COL8A1: variants seen among roughly 807,000 people sequenced by gnomAD.
COL8A1 encodes the protein collagen type VIII alpha 1 chain, also known as collagen alpha-1(VIII) chain.
In COL8A1, 21 loss-of-function variants were observed where a neutral mutation model predicts 42.7. The ratio of observed to expected loss-of-function variants is 0.49; its 90% CI spans 0.35 to 0.71. COL8A1 has a LOEUF of 0.71. COL8A1 is among the 30% of genes least tolerant of loss of function. The probability of loss-of-function intolerance (pLI) is 0.01; values close to 1 mark genes in which losing one functional copy is unlikely to be tolerated. For synonymous variants in COL8A1, 367 were observed against 369.1 expected, an observed-to-expected ratio of 0.99 and a Z score of 0.06; for missense variants, 788 against 962.4, an observed-to-expected ratio of 0.82 and a Z score of 2.40.
At chr3:99,639,427 C>T (rs1195682902) in intron 1 of COL8A1, among the ~76,000 whole-genome samples, 1 of 152,112 alleles carries the variant, frequency 6.6e-6, no homozygotes, top group Non-Finnish European at 1.5e-5. Flanking sequence ...ATAATACAGG[C>T]CAGATTATAC....
intron 1 of COL8A1, among the ~76,000 whole-genome samples, chr3:99,656,444 G>A (rs972044163): frequency 2.0e-5 from 3 of 151,194 alleles, no homozygotes; most frequent in African/African-American, 7.3e-5. Flanking sequence ...ACCAAGACCA[G>A]GGAAGTTACT....
rs78098382 is a variant in COL8A1 at position 99,746,145 on chromosome 3, C to G, written c.-4+1124C>G. On this transcript the variant is annotated intron_variant, in intron 2 of 3. Coordinates refer to ENST00000652472, the MANE Select transcript of COL8A1 (RefSeq NM_020351.4). ...TAATCCCTCATTGACTGCATCCTGT[C>G]TAGAATGCATCCATTTAGAGTTCCT... is the stretch of plus-strand genomic sequence containing the variant. 5.3e-3 allele frequency among the ~76,000 whole-genome samples: 812 copies of G among 152,222 alleles called. 12 individuals carry two copies. The highest frequency in any genetic ancestry group is 0.018 in the African/African-American group (746 of 41,552).
chr3:99,741,595 T>G (rs1940900876), intron 1 of COL8A1, among the ~76,000 whole-genome samples: 2 of 152,184 alleles, frequency 1.3e-5, no homozygotes, highest in Non-Finnish European at 2.9e-5. Context: ...CAACATGGTT[T>G]TACTCACATG....
chr3:99,722,164 C>T (rs1368456687), intron 1 of COL8A1, among the ~76,000 whole-genome samples: 3 of 151,860 alleles, frequency 2.0e-5, no homozygotes, highest in Non-Finnish European at 2.9e-5. Flanking sequence ...GGGAATTCTC[C>T]GTGTCATATT....
At chr3:99,761,718 T>C (rs187430944) in intron 2 of COL8A1, among the ~76,000 whole-genome samples, 68 of 152,236 alleles carry the variant, frequency 4.5e-4, no homozygotes, top group African/African-American at 1.5e-3. Flanking sequence ...TCTCTGACTT[T>C]AGATATCTAG....
chr3:99,781,152 A>C (rs1941786939), intron 2 of COL8A1, among the ~76,000 whole-genome samples: 1 of 152,192 alleles, frequency 6.6e-6, no homozygotes, highest in East Asian at 1.9e-4. Flanking sequence ...CTACTCCTGA[A>C]CCATGCACCA....
intron 1 of COL8A1, among the ~76,000 whole-genome samples, chr3:99,716,000 T>C (rs1323634064): frequency 2.6e-5 from 4 of 152,072 alleles, no homozygotes; most frequent in Non-Finnish European, 5.9e-5. Context: ...AATGCCTTTA[T>C]TACAATAAGT....
intron 2 of COL8A1, among the ~76,000 whole-genome samples, chr3:99,762,157 T>C (rs754433697): frequency 2.6e-5 from 4 of 152,222 alleles, no homozygotes; most frequent in Non-Finnish European, 4.4e-5. Context: ...TGGTAATAGA[T>C]AGTCATCGCT....
chr3:99,697,880 A>G (rs1016042162), intron 1 of COL8A1, among the ~76,000 whole-genome samples: 1 of 152,146 alleles, frequency 6.6e-6, no homozygotes, highest in African/African-American at 2.4e-5. Context: ...GGTTTGTTAC[A>G]TAGGTATACA....
At chr3:99,756,218 T>A (rs1358805491) in intron 2 of COL8A1, among the ~76,000 whole-genome samples, 2 of 151,830 alleles carry the variant, frequency 1.3e-5, no homozygotes, top group Non-Finnish European at 2.9e-5. Context: ...ATTTTCTGAA[T>A]CTTATAATCC....
At chr3:99,716,552 A>G (rs1940000954) in intron 1 of COL8A1, among the ~76,000 whole-genome samples, 1 of 152,070 alleles carries the variant, frequency 6.6e-6, no homozygotes, top group Admixed American at 6.6e-5. Context: ...AAGAATTTCA[A>G]TCAGCATAGT....
Position 99,795,021 on chromosome 3 carries a change from A to C in COL8A1, c.1120A>C (p.Arg374=). 3 of 1,608,232 alleles carry C rather than the reference A, an allele frequency of 1.9e-6. No homozygotes were observed. The highest frequency in any genetic ancestry group is 2.5e-6 in the Non-Finnish European group (3 of 1,177,264). Residue 374 remains arginine (R), a synonymous_variant, in exon 4 of 4, where the codon AGA becomes CGA. Coordinates refer to ENST00000652472, the MANE Select transcript of COL8A1 (RefSeq NM_020351.4). ...MGGVPGALGP[R]GEKGPIGAPG... is the part of the protein sequence containing the mutation. ...AGGTGTTCCTGGGGCTCTTGGACCA[A>C]GAGGGGAGAAAGGACCAATAGGTGC...
chr3:99,776,306 G>A (rs1372021579), intron 2 of COL8A1, among the ~76,000 whole-genome samples: 1 of 152,212 alleles, frequency 6.6e-6, no homozygotes, highest in Admixed American at 6.5e-5. Flanking sequence ...GATAAGGAAA[G>A]GAAGCAGGAC....
At chr3:99,709,159 C>A (rs907704374) in intron 1 of COL8A1, among the ~76,000 whole-genome samples, 1 of 152,048 alleles carries the variant, frequency 6.6e-6, no homozygotes, top group African/African-American at 2.4e-5. Context: ...TCCTTTCGAC[C>A]TTTTTCACTC....
chr3:99,768,124 C>A (rs1941500030), intron 2 of COL8A1, among the ~76,000 whole-genome samples: 2 of 152,172 alleles, frequency 1.3e-5, no homozygotes, highest in South Asian at 2.1e-4. Context: ...AGTAAACATT[C>A]TTTTTCTCAG....
At chr3:99,781,037 G>A (rs1424522643) in intron 2 of COL8A1, among the ~76,000 whole-genome samples, 1 of 152,176 alleles carries the variant, frequency 6.6e-6, no homozygotes, top group Non-Finnish European at 1.5e-5. Flanking sequence ...CTCTGTGGCT[G>A]ACGATTTATC....
At chr3:99,716,461 G>T (rs1228405393) in intron 1 of COL8A1, among the ~76,000 whole-genome samples, 1 of 151,980 alleles carries the variant, frequency 6.6e-6, no homozygotes, top group African/African-American at 2.4e-5. Context: ...ATAATACATA[G>T]ATTCATTTAA....
intron 1 of COL8A1, among the ~76,000 whole-genome samples, chr3:99,661,424 A>C (rs560288855): frequency 1.3e-5 from 2 of 152,298 alleles, no homozygotes; most frequent in Admixed American, 6.5e-5. Flanking sequence ...CCTCACACCG[A>C]CTAGGATGAC....
intron 1 of COL8A1, among the ~76,000 whole-genome samples, chr3:99,731,855 T>C (rs756039389): frequency 2.7e-4 from 41 of 152,154 alleles, no homozygotes; most frequent in Middle Eastern, 3.4e-3. Flanking sequence ...TGTCCTTGGG[T>C]TATAAGAAGA....
Sources: gnomAD v4.1 joint callset for allele counts (sites outside exome capture counted in the v4.1 genomes callset) on GRCh38, gnomAD v4.1.1 for gene constraint, MANE v1.5 for transcripts, NCBI Gene and HGNC (gene_info 2026-07-23, HGNC 2026-07-21) for gene names.